Variants in SLC5A8 observed in about 807,000 individuals in gnomAD.
The protein encoded by SLC5A8 is sodium-coupled monocarboxylate transporter 1.
Under a neutral mutation model 71.9 loss-of-function variants are expected in SLC5A8, and 55 were observed. The observed-to-expected ratio is 0.77, with a 90% CI of 0.62 to 0.96. SLC5A8 has a LOEUF of 0.96. SLC5A8 is among the 40% of genes least tolerant of loss of function. The probability of loss-of-function intolerance (pLI) is 0.00; values close to 1 mark genes in which losing one functional copy is unlikely to be tolerated. For missense variants in SLC5A8, 701 were observed against 745.3 expected (o/e 0.94, Z 0.69); for synonymous variants, 307 against 276.1 (o/e 1.11, Z -1.11).
At chr12:101,206,951 A>C (rs928663588) in intron 1 of SLC5A8, among the ~76,000 whole-genome samples, 27 of 152,246 alleles carry the variant, frequency 1.8e-4, no homozygotes, top group Admixed American at 1.3e-4. Flanking sequence ...TTCACTAAAG[A>C]AATGTCAACA....
At chr12:101,204,235 G>A (rs1375458629) in intron 2 of SLC5A8, among the ~76,000 whole-genome samples, 1 of 152,126 alleles carries the variant, frequency 6.6e-6, no homozygotes, top group East Asian at 1.9e-4. Flanking sequence ...TCAGATAAAG[G>A]GAAGCATATT....
intron 3 of SLC5A8, among the ~76,000 whole-genome samples, chr12:101,195,676 A>T (rs1377315745): frequency 6.6e-6 from 1 of 151,518 alleles, no homozygotes; most frequent in African/African-American, 2.4e-5. Flanking sequence ...CAGAAATTTA[A>T]TAAAGGTAAT....
chr12:101,169,256 A>G (rs954957865), intron 10 of SLC5A8, among the ~76,000 whole-genome samples: 1 of 152,242 alleles, frequency 6.6e-6, no homozygotes, highest in Non-Finnish European at 1.5e-5. Flanking sequence ...AGAGGAAATA[A>G]GACCTTGGCT....
At chr12:101,199,331 T>C (rs2137165368) in intron 3 of SLC5A8, 1 of 152,096 alleles carries the variant, frequency 6.6e-6, no homozygotes, top group South Asian at 2.1e-4. Flanking sequence ...ATGCTAATAT[T>C]CTCTGTATTG....
At chr12:101,182,506 G>A (rs976923275) in intron 9 of SLC5A8, among the ~76,000 whole-genome samples, 4 of 152,128 alleles carry the variant, frequency 2.6e-5, no homozygotes, top group Non-Finnish European at 5.9e-5. Context: ...CACAAATTTA[G>A]GATAGGATGA....
intron 13 of SLC5A8, among the ~76,000 whole-genome samples, chr12:101,158,729 T>C (rs2137119020): frequency 6.7e-6 from 1 of 149,006 alleles, no homozygotes; most frequent in South Asian, 2.1e-4. Context: ...CCAATGCTGG[T>C]AGGAAAACTG....
At chr12:101,174,146 C>G (rs1380250583) in intron 10 of SLC5A8, among the ~76,000 whole-genome samples, 1 of 152,186 alleles carries the variant, frequency 6.6e-6, no homozygotes, top group Admixed American at 6.5e-5. Flanking sequence ...CCCAGTCACC[C>G]TTTCCCAGTC....
chr12:101,166,162 G>A (rs1240812890), intron 12 of SLC5A8, among the ~76,000 whole-genome samples: 1 of 152,124 alleles, frequency 6.6e-6, no homozygotes. Context: ...TTCTATAATT[G>A]TGCTTTCCAT....
At chr12:101,176,561 A>G (rs1451545021) in intron 10 of SLC5A8, among the ~76,000 whole-genome samples, 4 of 152,102 alleles carry the variant, frequency 2.6e-5, no homozygotes, top group African/African-American at 9.6e-5. Context: ...CAACAAGTTT[A>G]AAAGTACTGA....
chr12:101,192,216 G>C (rs1593378671), intron 5 of SLC5A8, among the ~76,000 whole-genome samples: 1 of 152,214 alleles, frequency 6.6e-6, no homozygotes, highest in African/African-American at 2.4e-5. Flanking sequence ...TAGGCAACTA[G>C]AGCCTCTTTT....
chr12:101,192,529 T>C (rs1156626188), intron 5 of SLC5A8, among the ~76,000 whole-genome samples: 1 of 152,196 alleles, frequency 6.6e-6, no homozygotes, highest in African/African-American at 2.4e-5. Context: ...ACACTATTGA[T>C]CCAAAACGGA....
chr12:101,171,076 C>G (rs2051825472), intron 10 of SLC5A8, among the ~76,000 whole-genome samples: 1 of 152,130 alleles, frequency 6.6e-6, no homozygotes, highest in Non-Finnish European at 1.5e-5. Flanking sequence ...ACTGACAGAC[C>G]AGGAGGGTTT....
intron 13 of SLC5A8, among the ~76,000 whole-genome samples, chr12:101,158,592 C>CTA (rs1566303428): frequency 1.1e-3 from 29 of 25,910 alleles, no homozygotes; most frequent in East Asian, 3.2e-3. Flanking sequence ...CTCTCTCTCT[C>CTA]TCTCTCTATA....
chr12:101,209,897 G>C lies in SLC5A8; in HGVS notation c.-49C>G. 6.9e-7 allele frequency: 1 copy of C among 1,451,932 alleles called. No homozygotes were observed. The highest frequency in any genetic ancestry group is 1.4e-5 in the African/African-American group (1 of 69,580). 89.9% of individuals were successfully genotyped at this position (1,451,932 alleles called of 1,614,324 possible). On this transcript the variant is annotated 5_prime_UTR_variant, in exon 1 of 15. Transcript: ENST00000536262. ...GCGCGCAAACTGGTGGCCCCGCGGCGCGCAGCCGGAGCCCGGCGCGCACTT... is the reference window on the plus strand; with the variant it reads ...GCGCGCAAACTGGTGGCCCCGCGGCCCGCAGCCGGAGCCCGGCGCGCACTT...
At position 101,157,116 on chromosome 12, in the gene SLC5A8, A is replaced by T. The variant is rs2051670993; in HGVS notation, c.*163T>A. 1 of 656,396 alleles carries T rather than the reference A, an allele frequency of 1.5e-6. No individual in the cohort carries two copies. Among genetic ancestry groups the T allele is most frequent in the Non-Finnish European group, 2.5e-6 (1 of 405,972 alleles). 40.7% of individuals were successfully genotyped at this position (656,396 alleles called of 1,614,324 possible). A position where few individuals can be genotyped will look rare whatever the true frequency, so the allele number is the denominator to read the frequency against. On this transcript the variant is annotated 3_prime_UTR_variant, in exon 15 of 15. Coordinates refer to ENST00000536262, the MANE Select transcript of SLC5A8 (RefSeq NM_145913.5). ...AACTCCAGAGTAACATCAATTAATG[A>T]TGTAGTAAATGAAGATAGTCCAGAC...
intron 2 of SLC5A8, 39 bp from the exon 3 acceptor site, chr12:101,202,254 T>TC: frequency 1.4e-6 from 2 of 1,469,000 alleles, no homozygotes; most frequent in Non-Finnish European, 1.8e-6. Flanking sequence ...TTATATGAAT[T>TC]ATAAAATTCA....
intron 3 of SLC5A8, among the ~76,000 whole-genome samples, chr12:101,199,886 C>A (rs1387203900): frequency 6.6e-6 from 1 of 150,406 alleles, no homozygotes. Flanking sequence ...ATGCACAAAA[C>A]CTTTAGAAGA....
chr12:101,187,334 T>C (rs1868692442), intron 7 of SLC5A8, 52 bp downstream of exon 7: 1 of 1,555,842 alleles, frequency 6.4e-7, no homozygotes, highest in Admixed American at 1.9e-5. Context: ...TCTCAACTAA[T>C]AAGCTTTTTG....
At chr12:101,199,216 T>C (rs900368467) in intron 3 of SLC5A8, 2 of 152,006 alleles carry the variant, frequency 1.3e-5, no homozygotes, top group African/African-American at 2.4e-5. Context: ...CATCCAAAGC[T>C]ACAAAACATT....
Sources: gnomAD v4.1 joint callset for allele counts (sites outside exome capture counted in the v4.1 genomes callset) on GRCh38, gnomAD v4.1.1 for gene constraint, MANE v1.5 for transcripts, NCBI Gene and HGNC (gene_info 2026-07-23, HGNC 2026-07-21) for gene names.